The following RAPGEF5 variants were observed in gnomAD, a reference collection of about 807,000 sequenced individuals.
RAPGEF5 encodes Rap guanine nucleotide exchange factor 5, also known as M-Ras-regulated GEF.
RAPGEF5 carries 65 observed loss-of-function variants against 125.2 expected under a neutral mutation model. That is an observed-to-expected ratio of 0.52 (90% CI 0.43 to 0.64). The LOEUF is 0.64. RAPGEF5 is among the 30% of genes least tolerant of loss of function. RAPGEF5 has a pLI of 0.00. For missense variants in RAPGEF5, 958 were observed against 1,048.1 expected (o/e 0.91, Z 1.19); for synonymous variants, 391 against 385.9 (o/e 1.01, Z -0.16).
intron 3 of RAPGEF5, among the ~76,000 whole-genome samples, chr7:22,310,483 G>A (rs755203613): frequency 9.9e-5 from 15 of 152,268 alleles, no homozygotes; most frequent in Admixed American, 2.0e-4. Flanking sequence ...TTTGAAAAAC[G>A]AAGGAATAAA....
At chr7:22,129,913 G>A (rs2128099279) in intron 24 of RAPGEF5, among the ~76,000 whole-genome samples, 1 of 152,124 alleles carries the variant, frequency 6.6e-6, no homozygotes, top group East Asian at 1.9e-4. Context: ...CCCTACATGT[G>A]GGGAGTTGGC....
intron 3 of RAPGEF5, among the ~76,000 whole-genome samples, chr7:22,313,893 C>T (rs1783531617): frequency 6.6e-6 from 1 of 152,158 alleles, no homozygotes; most frequent in African/African-American, 2.4e-5. Flanking sequence ...TACTCCCTGT[C>T]CTGTCTACTT....
chr7:22,141,269 AT>A (rs1051095572), intron 20 of RAPGEF5, among the ~76,000 whole-genome samples: 1 of 152,108 alleles, frequency 6.6e-6, no homozygotes, highest in Non-Finnish European at 1.5e-5. Context: ...TGTATTTGTG[AT>A]TTTTTTCCCA....
chr7:22,169,464 C>G (rs1784274098), intron 11 of RAPGEF5, among the ~76,000 whole-genome samples: 1 of 152,130 alleles, frequency 6.6e-6, no homozygotes, highest in African/African-American at 2.4e-5. Context: ...AACTATTCCT[C>G]TGGGCCTGTT....
chr7:22,251,365 T>C (rs1786615488), intron 7 of RAPGEF5, among the ~76,000 whole-genome samples: 1 of 152,182 alleles, frequency 6.6e-6, no homozygotes, highest in East Asian at 1.9e-4. Context: ...TATAAGTGGA[T>C]GCATGTCCTG....
intron 3 of RAPGEF5, among the ~76,000 whole-genome samples, chr7:22,311,978 T>G (rs571255385): frequency 6.6e-6 from 1 of 152,220 alleles, no homozygotes; most frequent in Non-Finnish European, 1.5e-5. Context: ...GCTCTGAGTG[T>G]CTGACATCAC....
At chr7:22,344,763 T>C (rs1784191547) in intron 1 of RAPGEF5, among the ~76,000 whole-genome samples, 2 of 152,222 alleles carry the variant, frequency 1.3e-5, no homozygotes, top group African/African-American at 4.8e-5. Flanking sequence ...CCCACTTTTT[T>C]CTTTTTTTAA....
chr7:22,201,806 T>C (rs1436148148), intron 9 of RAPGEF5, among the ~76,000 whole-genome samples: 1 of 152,188 alleles, frequency 6.6e-6, no homozygotes, highest in East Asian at 1.9e-4. Flanking sequence ...CTAGTTCCAA[T>C]ATAAAAGTTC....
intron 9 of RAPGEF5, among the ~76,000 whole-genome samples, chr7:22,208,888 C>A (rs1446397419): frequency 6.6e-6 from 1 of 152,142 alleles, no homozygotes; most frequent in Non-Finnish European, 1.5e-5. Context: ...AGCTAAGATG[C>A]AAAAATCACA....
At chr7:22,345,875 C>G (rs952783054) in intron 1 of RAPGEF5, among the ~76,000 whole-genome samples, 7 of 152,120 alleles carry the variant, frequency 4.6e-5, no homozygotes, top group East Asian at 3.9e-4. Flanking sequence ...TATGGCCAAA[C>G]AAACCATTTA....
chr7:22,226,091 T>G (rs1366110835), intron 8 of RAPGEF5, among the ~76,000 whole-genome samples: 5 of 152,178 alleles, frequency 3.3e-5, no homozygotes, highest in Admixed American at 3.3e-4. Context: ...TGCATTATCT[T>G]AACTTTAACA....
chr7:22,326,835 A>C (rs1181584004), intron 1 of RAPGEF5, among the ~76,000 whole-genome samples: 2 of 152,246 alleles, frequency 1.3e-5, no homozygotes, highest in African/African-American at 4.8e-5. Flanking sequence ...TGCACACTTA[A>C]AAAGTCTGCT....
chr7:22,147,889 A>G (rs375067703), intron 18 of RAPGEF5, among the ~76,000 whole-genome samples: 51 of 152,374 alleles, frequency 3.3e-4, no homozygotes, highest in African/African-American at 1.1e-3. Flanking sequence ...CCAGGTGCCA[A>G]ATATTAATCA....
chr7:22,220,809 G>A (rs1785767812), intron 8 of RAPGEF5, among the ~76,000 whole-genome samples: 1 of 151,982 alleles, frequency 6.6e-6, no homozygotes. Flanking sequence ...ACCAAGACAT[G>A]ATCTAATAAA....
chr7:22,293,194 C>G (rs911741360), intron 5 of RAPGEF5, among the ~76,000 whole-genome samples: 2 of 152,248 alleles, frequency 1.3e-5, no homozygotes, highest in Non-Finnish European at 2.9e-5. Flanking sequence ...GCTTCTGGCT[C>G]TCCCCTGAGC....
chr7:22,313,986 TTTTTAAAG>T (rs1459117346), intron 3 of RAPGEF5, among the ~76,000 whole-genome samples: 2 of 152,184 alleles, frequency 1.3e-5, no homozygotes, highest in African/African-American at 4.8e-5. Context: ...ATCTTGGAGC[TTTTTAAAG>T]AGCTCCGTGA....
At chr7:22,249,602 CTTGGTAATAATTCTCCT>C (rs1260023616) in intron 7 of RAPGEF5, among the ~76,000 whole-genome samples, 1 of 152,166 alleles carries the variant, frequency 6.6e-6, no homozygotes, top group African/African-American at 2.4e-5. Context: ...CCAAACAAAG[CTTGGTAATAATTCTCCT>C]TTTATAAAGC....
At chr7:22,253,787 T>C (rs1786681722) in intron 7 of RAPGEF5, among the ~76,000 whole-genome samples, 3 of 152,228 alleles carry the variant, frequency 2.0e-5, no homozygotes, top group African/African-American at 7.2e-5. Flanking sequence ...CCTAATTTTA[T>C]TACTAACATC....
At chr7:22,251,352 C>T (rs1465585859) in intron 7 of RAPGEF5, among the ~76,000 whole-genome samples, 1 of 152,114 alleles carries the variant, frequency 6.6e-6, no homozygotes, top group Admixed American at 6.6e-5. Flanking sequence ...TCAGATACAG[C>T]GTTATAAGTG....
Sources: gnomAD v4.1 joint callset for allele counts (sites outside exome capture counted in the v4.1 genomes callset) on GRCh38, gnomAD v4.1.1 for gene constraint, MANE v1.5 for transcripts, NCBI Gene and HGNC (gene_info 2026-07-23, HGNC 2026-07-21) for gene names.